GDA: variants seen among roughly 807,000 people sequenced by gnomAD.
GDA encodes cytoplasmic PSD-95 interactor.
Under a neutral mutation model 59.6 loss-of-function variants are expected in GDA, and 18 were observed. The ratio of observed to expected loss-of-function variants is 0.30; its 90% CI spans 0.21 to 0.45. The LOEUF (loss-of-function observed/expected upper bound fraction) is 0.45, where lower values mean the gene tolerates loss of function less well. Among genes scored for constraint, GDA ranks in the 20% least tolerant of loss-of-function variants. GDA has a pLI of 1.00. For missense variants in GDA, 427 were observed against 552.3 expected (o/e 0.77, Z 2.27); for synonymous variants, 201 against 201.1 (o/e 1.00, Z 0.00).
intron 10 of GDA, among the ~76,000 whole-genome samples, chr9:72,233,892 T>C (rs1385212371): frequency 1.3e-5 from 2 of 152,076 alleles, no homozygotes; most frequent in African/African-American, 4.8e-5. Flanking sequence ...CAGTGAGCCA[T>C]GTTCATGCCA....
chr9:72,192,698 T>C (rs9696551), intron 1 of GDA, among the ~76,000 whole-genome samples: 1 of 150,918 alleles, frequency 6.6e-6, no homozygotes, highest in East Asian at 2.0e-4. Context: ...TGGCCAACAT[T>C]GTGAAACCCC....
At chr9:72,157,622 C>T (rs774247454) in intron 1 of GDA, among the ~76,000 whole-genome samples, 21 of 152,188 alleles carry the variant, frequency 1.4e-4, no homozygotes, top group Non-Finnish European at 2.5e-4. Context: ...TAAAATATAA[C>T]AGGAGACCCT....
intron 6 of GDA, 143 bp downstream of exon 6, chr9:72,219,649 A>G (rs1475663507): frequency 1.9e-6 from 1 of 538,144 alleles, no homozygotes; most frequent in Non-Finnish European, 3.3e-6. Flanking sequence ...CTGATGTGTC[A>G]CTGTGGACTG....
chr9:72,189,144 C>A (rs908375845), intron 1 of GDA, among the ~76,000 whole-genome samples: 2 of 132,150 alleles, frequency 1.5e-5, no homozygotes, highest in African/African-American at 6.1e-5. Flanking sequence ...TCACCCACAT[C>A]TGATACAGAG....
At chr9:72,243,077 A>G (rs1839801744) in intron 11 of GDA, among the ~76,000 whole-genome samples, 1 of 152,172 alleles carries the variant, frequency 6.6e-6, no homozygotes, top group East Asian at 1.9e-4. Flanking sequence ...AGATGAATGG[A>G]TCTGTATTTA....
intron 10 of GDA, 67 bp from the exon 11 acceptor site, chr9:72,241,085 G>A: frequency 8.8e-7 from 1 of 1,130,982 alleles, no homozygotes; most frequent in Non-Finnish European, 1.3e-6. Flanking sequence ...TAAAAACAAT[G>A]TTATATATGT....
chr9:72,185,786 GT>G (rs910366649), intron 1 of GDA, among the ~76,000 whole-genome samples: 3 of 152,104 alleles, frequency 2.0e-5, no homozygotes, highest in Non-Finnish European at 2.9e-5. Context: ...TCTTGCAGCA[GT>G]TTTTTTCATT....
chr9:72,122,647 A>ACG, intron 1 of GDA, among the ~76,000 whole-genome samples: 1 of 151,746 alleles, frequency 6.6e-6, no homozygotes, highest in Non-Finnish European at 1.5e-5. Context: ...ACACACACAC[A>ACG]CACACACACA....
intron 1 of GDA, among the ~76,000 whole-genome samples, chr9:72,119,781 G>A (rs993157335): frequency 4.6e-5 from 7 of 152,082 alleles, no homozygotes; most frequent in Non-Finnish European, 2.9e-5. Context: ...GATGGCTTGA[G>A]CAAGATATAC....
At chr9:72,202,800 T>C (rs940817400) in intron 3 of GDA, 58 bp downstream of exon 3, 103 of 1,271,128 alleles carry the variant, frequency 8.1e-5, no homozygotes, top group Middle Eastern at 5.8e-4. Context: ...AAATATCAGT[T>C]TCCTAGGACA....
intron 1 of GDA, among the ~76,000 whole-genome samples, chr9:72,160,420 C>A (rs1303182211): frequency 6.6e-6 from 1 of 152,206 alleles, no homozygotes; most frequent in African/African-American, 2.4e-5. Context: ...GCAACAATCA[C>A]TAATCTGCTT....
chr9:72,161,660 T>G (rs1828646033), intron 1 of GDA, among the ~76,000 whole-genome samples: 1 of 152,222 alleles, frequency 6.6e-6, no homozygotes. Flanking sequence ...TATGGTTTAT[T>G]AAGTGTTTGC....
At position 72,228,008 on chromosome 9, in the gene GDA, A is replaced by C. The variant is rs746811009; in HGVS notation, c.888A>C (p.Ala296=). 8 of 1,599,528 alleles carry C rather than the reference A, an allele frequency of 5.0e-6. No homozygotes were observed. The South Asian group carries it at 7.7e-5, about 15-fold the overall frequency. The stretch of plus-strand genomic sequence containing the variant: ...TGAACGTATTCCATGAACGAGGAGC[A>C]TCCATCGCACACTGTCCCAATTCTA... ...EELNVFHERG[A]SIAHCPNSNL... is the part of the protein sequence containing the mutation. Residue 296 remains alanine (A), a synonymous_variant, in exon 9 of 14, where the codon GCA becomes GCC. Transcript: ENST00000358399.
intron 1 of GDA, among the ~76,000 whole-genome samples, chr9:72,115,736 C>A (rs1825414832): frequency 6.6e-6 from 1 of 152,088 alleles, no homozygotes; most frequent in African/African-American, 2.4e-5. Context: ...AGACAATTAT[C>A]CTAAGTAAAT....
intron 1 of GDA, among the ~76,000 whole-genome samples, chr9:72,154,223 G>A (rs576725438): frequency 6.6e-6 from 1 of 152,290 alleles, no homozygotes; most frequent in East Asian, 1.9e-4. Context: ...CTTGGGTTCA[G>A]GTCAGAGTCT....
chr9:72,235,922 A>G (rs907443503), intron 10 of GDA, among the ~76,000 whole-genome samples: 3 of 152,170 alleles, frequency 2.0e-5, no homozygotes, highest in South Asian at 4.1e-4. Flanking sequence ...AACAAGACCT[A>G]TAAACTCATT....
intron 1 of GDA, among the ~76,000 whole-genome samples, chr9:72,171,758 A>G (rs561686302): frequency 2.0e-5 from 3 of 152,110 alleles, no homozygotes; most frequent in Admixed American, 6.5e-5. Context: ...ATGTTATTTT[A>G]TAACTTAAAG....
At chr9:72,227,320 T>G (rs1226960724) in intron 8 of GDA, among the ~76,000 whole-genome samples, 1 of 152,232 alleles carries the variant, frequency 6.6e-6, no homozygotes, top group South Asian at 2.1e-4. Context: ...CAATTTTACT[T>G]TCTGAATTAA....
intron 1 of GDA, among the ~76,000 whole-genome samples, chr9:72,133,108 G>A (rs1210535949): frequency 6.6e-6 from 1 of 151,540 alleles, no homozygotes; most frequent in Non-Finnish European, 1.5e-5. Context: ...GGCCAACATC[G>A]TGAAACTCTG....
Sources: gnomAD v4.1 joint callset for allele counts (sites outside exome capture counted in the v4.1 genomes callset) on GRCh38, gnomAD v4.1.1 for gene constraint, MANE v1.5 for transcripts, NCBI Gene and HGNC (gene_info 2026-07-23, HGNC 2026-07-21) for gene names.